CAMSAP1: variants seen among roughly 807,000 people sequenced by gnomAD.
The protein encoded by CAMSAP1 is calmodulin-regulated spectrin-associated protein 1.
Under a neutral mutation model 143.5 loss-of-function variants are expected in CAMSAP1, and 58 were observed. The ratio of observed to expected loss-of-function variants is 0.40; its 90% CI spans 0.33 to 0.50. CAMSAP1 has a LOEUF of 0.50. Ranked by LOEUF, CAMSAP1 falls within the 20% of genes least tolerant of loss-of-function variation. The probability of loss-of-function intolerance (pLI) is 0.45; values close to 1 mark genes in which losing one functional copy is unlikely to be tolerated. For synonymous variants in CAMSAP1, 945 were observed against 859.3 expected (o/e 1.10, Z -1.74); for missense variants, 1,969 against 2,115.7 (o/e 0.93, Z 1.36).
intron 1 of CAMSAP1, among the ~76,000 whole-genome samples, chr9:135,894,032 C>A (rs963366467): frequency 6.6e-6 from 1 of 152,290 alleles, no homozygotes; most frequent in Admixed American, 6.5e-5. Flanking sequence ...AGGCCTGATG[C>A]TTCCTGACTC....
At position 135,907,307 on chromosome 9, in the gene CAMSAP1, T is replaced by A; in HGVS notation, c.-148A>T. The A allele has an allele frequency of 3.1e-6, 1 of 324,348 alleles. No homozygotes were observed. Among genetic ancestry groups the A allele is most frequent in the Non-Finnish European group, 4.4e-6 (1 of 228,288 alleles). 20.1% of individuals were successfully genotyped at this position (324,348 alleles called of 1,614,324 possible). A position where few individuals can be genotyped will look rare whatever the true frequency, so the allele number is the denominator to read the frequency against. On this transcript the variant is annotated 5_prime_UTR_variant, in exon 1 of 17. An upstream open reading frame in the 5' UTR loses its in-frame stop. Transcript: ENST00000389532. ...GCCCGAGCGCGGCCCCCGCCTCACC[T>A]CACAGCCGCCGCCGTCGCCGCCCCC...
chr9:135,819,737 C>T (rs1363578471), intron 11 of CAMSAP1, among the ~76,000 whole-genome samples: 1 of 150,650 alleles, frequency 6.6e-6, no homozygotes, highest in Non-Finnish European at 1.5e-5. Flanking sequence ...ATCCCAGCTA[C>T]TCAGGAGCCT....
chr9:135,879,368 G>A (rs1036537714), intron 3 of CAMSAP1, among the ~76,000 whole-genome samples: 3 of 152,048 alleles, frequency 2.0e-5, no homozygotes, highest in African/African-American at 4.8e-5. Flanking sequence ...AATGAGAAAC[G>A]TGACCAAGCA....
intron 3 of CAMSAP1, among the ~76,000 whole-genome samples, chr9:135,869,228 C>A (rs997045472): frequency 6.6e-6 from 1 of 152,046 alleles, no homozygotes; most frequent in Admixed American, 6.6e-5. Flanking sequence ...TACAGTCAGG[C>A]ACGGTGGCTC....
intron 1 of CAMSAP1, among the ~76,000 whole-genome samples, chr9:135,896,552 C>T (rs566599872): frequency 1.3e-5 from 2 of 152,322 alleles, no homozygotes; most frequent in South Asian, 4.1e-4. Flanking sequence ...CACCAAGTTA[C>T]AGCAGAATAC....
At chr9:135,881,926 C>T in intron 2 of CAMSAP1, 132 bp from the exon 3 acceptor site, 1 of 1,135,430 alleles carries the variant, frequency 8.8e-7, no homozygotes, top group Non-Finnish European at 1.2e-6. Flanking sequence ...TGAAGAGATA[C>T]TCAGATTTGA....
chr9:135,886,532 T>C (rs1838128552), intron 1 of CAMSAP1, among the ~76,000 whole-genome samples: 1 of 152,354 alleles, frequency 6.6e-6, no homozygotes, highest in East Asian at 1.9e-4. Flanking sequence ...AGAGGCAAAC[T>C]GGATGTTTCA....
At position 135,865,904 on chromosome 9, in the gene CAMSAP1, T is replaced by C. The variant is rs544611151; in HGVS notation, c.666+552A>G. On this transcript the variant is annotated intron_variant, in intron 4 of 16. Coordinates refer to ENST00000389532, the MANE Select transcript of CAMSAP1 (RefSeq NM_015447.4). ...TGGTCGGGCTGCATCTTGTGTGCAC[T>C]GAACTGAGTGAATTCAGTCACACAT... Among the ~76,000 whole-genome samples, 394 of 152,328 alleles carry C rather than the reference T, an allele frequency of 2.6e-3. 2 individuals carry two copies. The highest frequency in any genetic ancestry group is 9.1e-3 in the African/African-American group (380 of 41,582).
intron 3 of CAMSAP1, among the ~76,000 whole-genome samples, chr9:135,870,945 T>C (rs970732140): frequency 6.6e-6 from 1 of 152,238 alleles, no homozygotes; most frequent in African/African-American, 2.4e-5. Context: ...TTTGAGAAAC[T>C]ATTGTTTGTC....
intron 1 of CAMSAP1, among the ~76,000 whole-genome samples, chr9:135,891,646 T>A (rs957773073): frequency 6.6e-6 from 1 of 152,166 alleles, no homozygotes; most frequent in Admixed American, 6.5e-5. Context: ...CAGAGCCCAA[T>A]GTTCACAGAG....
rs182353046 is a variant in CAMSAP1, at chr9:135,843,276, A to G, written c.1045+6861T>C. Among the ~76,000 whole-genome samples, 154 of 152,238 alleles carry G rather than the reference A, an allele frequency of 1.0e-3. 4 individuals are homozygous for G. In the South Asian group the frequency reaches 0.027, roughly 27 times the overall value. ...CGGGAGGCAGAGGCTGCAGTGAGCC[A>G]AGACCACACCATTGCACTCCAGCCT... On this transcript the variant is annotated intron_variant, in intron 7 of 16. Transcript: ENST00000389532.
chr9:135,812,449 C>A (rs1835084430), intron 16 of CAMSAP1, among the ~76,000 whole-genome samples: 1 of 151,986 alleles, frequency 6.6e-6, no homozygotes, highest in African/African-American at 2.4e-5. Flanking sequence ...TATGTAAATG[C>A]CCAGAACAGG....
chr9:135,906,769 C>T (rs1249785462), intron 1 of CAMSAP1, among the ~76,000 whole-genome samples: 1 of 152,040 alleles, frequency 6.6e-6, no homozygotes, highest in East Asian at 1.9e-4. Flanking sequence ...GAAGCCCCGA[C>T]CCACGCCGCC....
At position 135,821,541 on chromosome 9, in the gene CAMSAP1, T is replaced by C. The variant is rs201955065; in HGVS notation, c.3120A>G (p.Lys1040=). 14 of 1,614,016 alleles carry C rather than the reference T, an allele frequency of 8.7e-6. No homozygotes were observed. The East Asian group carries it at 1.8e-4, about 21-fold the overall frequency. The stretch of plus-strand genomic sequence containing the variant: ...GAAGCTGCTCTTGCTGCTGAGAGAT[T>C]TTCAGGATGGCCTGCTGCAGCGTAC... ...TISTLQQAIL[K]ISQQQEQLLM... Residue 1040 remains lysine (K), a synonymous_variant, in exon 11 of 17, where the codon AAA becomes AAG. Transcript: ENST00000389532. This position sits in a 1 kb window ranked among gnomAD's most constrained non-coding sequence, Gnocchi z 4.6.
chr9:135,824,051 T>A lies in CAMSAP1; in HGVS notation c.1316-17A>T, dbSNP rs17040508. ...GTCGCTGATCTGCAGTACAGAGGAATTAGATAGTGTTAAGTAACCAATTTT... is the reference window on the plus strand; with the variant it reads ...GTCGCTGATCTGCAGTACAGAGGAAATAGATAGTGTTAAGTAACCAATTTT... On this transcript the variant is annotated splice_polypyrimidine_tract_variant and intron_variant, in intron 9 of 16. Transcript: ENST00000389532. The surrounding 1 kb of genome is among the most constrained non-coding windows in gnomAD (Gnocchi z 4.1). 8.2e-3 allele frequency: 12,765 copies of A among 1,559,292 alleles called. 638 individuals are homozygous for A. In the African/African-American group the frequency reaches 0.13, roughly 15 times the overall value.
At position 135,817,443 on chromosome 9, in the gene CAMSAP1, G is replaced by C. The variant is rs565160937; in HGVS notation, c.4271+534C>G. Among the ~76,000 whole-genome samples the C allele has an allele frequency of 2.6e-5, 4 of 152,080 alleles. No homozygotes were observed. The South Asian group carries it at 8.3e-4, about 32-fold the overall frequency. On this transcript the variant is annotated intron_variant, in intron 14 of 16. Coordinates refer to ENST00000389532, the MANE Select transcript of CAMSAP1 (RefSeq NM_015447.4). ...GTCTCACTCTGTTGCCCAGGCTGGAGTGCAGTAGCCTGAGCACAGCTCACT... is the reference window on the plus strand; with the variant it reads ...GTCTCACTCTGTTGCCCAGGCTGGACTGCAGTAGCCTGAGCACAGCTCACT...
At chr9:135,892,254 C>G (rs1838312541) in intron 1 of CAMSAP1, among the ~76,000 whole-genome samples, 1 of 152,066 alleles carries the variant, frequency 6.6e-6, no homozygotes. Flanking sequence ...CGAAACAGGC[C>G]CGCAGGACCC....
intron 1 of CAMSAP1, among the ~76,000 whole-genome samples, chr9:135,886,674 T>A (rs994107506): frequency 6.6e-6 from 1 of 151,332 alleles, no homozygotes; most frequent in Non-Finnish European, 1.5e-5. Context: ...AGTAAGGGGG[T>A]CAGACAAGCC....
In CAMSAP1 at chr9:135,815,227, G is replaced by A; in HGVS notation, c.4388-12C>T. ...AAAGAGCTTGGGACCTAAGAAACGA[G>A]GCCAGGGTTGGTAAAATTATTATTT... On this transcript the variant is annotated splice_polypyrimidine_tract_variant and intron_variant, in intron 15 of 16. Transcript: ENST00000389532. The A allele has an allele frequency of 2.6e-6, 4 of 1,561,614 alleles. No homozygotes were observed. Among genetic ancestry groups the A allele is most frequent in the Admixed American group, 1.8e-5 (1 of 54,542 alleles).
Sources: gnomAD v4.1 joint callset for allele counts (sites outside exome capture counted in the v4.1 genomes callset) on GRCh38, gnomAD v4.1.1 for gene constraint, Gnocchi (gnomAD v3.1) non-coding constraint, MANE v1.5 for transcripts, NCBI Gene and HGNC (gene_info 2026-07-23, HGNC 2026-07-21) for gene names.